Variants in PLCH1 observed in about 807,000 individuals in gnomAD.
PLCH1 encodes the protein phospholipase C eta 1, also known as 1-phosphatidylinositol 4,5-bisphosphate phosphodiesterase eta-1.
A neutral mutation model predicts 126.7 loss-of-function variants in PLCH1; 60 were observed. That is an observed-to-expected ratio of 0.47 (90% CI 0.38 to 0.59). The LOEUF is 0.59. Ranked by LOEUF, PLCH1 falls within the 20% of genes least tolerant of loss-of-function variation. The probability of loss-of-function intolerance (pLI) is 0.00; values close to 1 mark genes in which losing one functional copy is unlikely to be tolerated. For missense variants in PLCH1, 1,723 were observed against 2,040.0 expected, an observed-to-expected ratio of 0.84 and a Z score of 2.99; for synonymous variants, 719 against 734.9, an observed-to-expected ratio of 0.98 and a Z score of 0.35.
chr3:155,610,786 C>CA (rs58036188), intron 2 of PLCH1, among the ~76,000 whole-genome samples: 73,234 of 150,774 alleles, frequency 0.49, 20,121 homozygotes, highest in African/African-American at 0.74. Flanking sequence ...ACAGGGCCTA[C>CA]AAAAAAAACA....
intron 10 of PLCH1, among the ~76,000 whole-genome samples, chr3:155,537,218 A>C (rs1576943178): frequency 2.4e-3 from 24 of 9,976 alleles, no homozygotes; most frequent in South Asian, 7.9e-3. Context: ...AAAAAAAAAA[A>C]AAAAAAAAAA....
At chr3:155,603,591 C>T (rs757902058) in intron 2 of PLCH1, among the ~76,000 whole-genome samples, 9 of 152,118 alleles carry the variant, frequency 5.9e-5, no homozygotes, top group Non-Finnish European at 7.3e-5. Context: ...AACTGAATAT[C>T]CTACTTTCCT....
intron 2 of PLCH1, among the ~76,000 whole-genome samples, chr3:155,619,069 G>T (rs1736139333): frequency 6.8e-6 from 1 of 148,106 alleles, no homozygotes; most frequent in East Asian, 2.0e-4. Context: ...TCCAATGAAG[G>T]CTTGTCTGGG....
At chr3:155,643,550 T>C (rs192607694) in intron 2 of PLCH1, among the ~76,000 whole-genome samples, 2 of 152,228 alleles carry the variant, frequency 1.3e-5, no homozygotes, top group African/African-American at 4.8e-5. Flanking sequence ...TAAAATTGTC[T>C]GTGTGTCTGC....
intron 2 of PLCH1, among the ~76,000 whole-genome samples, chr3:155,605,971 A>G (rs183177561): frequency 1.7e-4 from 26 of 151,428 alleles, no homozygotes; most frequent in Admixed American, 1.4e-3. Flanking sequence ...GTGGGAGGGA[A>G]AAAAAAAAGA....
At chr3:155,561,244 C>T (rs1727557308) in intron 8 of PLCH1, among the ~76,000 whole-genome samples, 1 of 151,176 alleles carries the variant, frequency 6.6e-6, no homozygotes, top group Non-Finnish European at 1.5e-5. Flanking sequence ...AACTCATCAT[C>T]TAGCATTAGG....
chr3:155,636,950 A>G (rs1222967114), intron 2 of PLCH1, among the ~76,000 whole-genome samples: 1 of 152,096 alleles, frequency 6.6e-6, no homozygotes, highest in African/African-American at 2.4e-5. Context: ...TATATTTTTT[A>G]TGTCTCGGTT....
At chr3:155,501,880 TACAA>T (rs1371389290) in intron 13 of PLCH1, among the ~76,000 whole-genome samples, 1 of 152,152 alleles carries the variant, frequency 6.6e-6, no homozygotes, top group Non-Finnish European at 1.5e-5. Context: ...ATGCAGTGTC[TACAA>T]ACAAAGGTAA....
chr3:155,613,016 G>A (rs1281706842), intron 2 of PLCH1, among the ~76,000 whole-genome samples: 5 of 151,416 alleles, frequency 3.3e-5, no homozygotes, highest in Non-Finnish European at 7.4e-5. Flanking sequence ...AGGTTCCCAT[G>A]AACAACTTAA....
intron 2 of PLCH1, among the ~76,000 whole-genome samples, chr3:155,670,761 T>A (rs770145928): frequency 6.6e-6 from 1 of 152,164 alleles, no homozygotes; most frequent in Non-Finnish European, 1.5e-5. Flanking sequence ...ACTTACCATG[T>A]TCTCACCTTG....
At chr3:155,602,042 G>A (rs192500356) in intron 2 of PLCH1, among the ~76,000 whole-genome samples, 21 of 151,396 alleles carry the variant, frequency 1.4e-4, no homozygotes, top group Admixed American at 4.6e-4. Context: ...CTCCAGCCCC[G>A]CCACATCATG....
intron 21 of PLCH1, among the ~76,000 whole-genome samples, chr3:155,465,665 C>T (rs949043060): frequency 1.3e-5 from 2 of 151,956 alleles, no homozygotes; most frequent in Non-Finnish European, 1.5e-5. Context: ...AGATACAGCA[C>T]CAAGCAGGTT....
intron 21 of PLCH1, among the ~76,000 whole-genome samples, chr3:155,451,320 C>T (rs1712303183): frequency 6.6e-6 from 1 of 151,958 alleles, no homozygotes; most frequent in Non-Finnish European, 1.5e-5. Flanking sequence ...GAGAAATTTA[C>T]CAAATACAAA....
chr3:155,556,539 T>C (rs1726845393), intron 8 of PLCH1, among the ~76,000 whole-genome samples: 1 of 152,258 alleles, frequency 6.6e-6, no homozygotes, highest in Non-Finnish European at 1.5e-5. Context: ...GGTTAATTTT[T>C]CATGTCAATG....
chr3:155,457,607 G>T (rs990660558), intron 21 of PLCH1: 1 of 151,962 alleles, frequency 6.6e-6, no homozygotes, highest in African/African-American at 2.4e-5. Context: ...TGCCTTTGTC[G>T]CTGCACTTAG....
intron 21 of PLCH1, among the ~76,000 whole-genome samples, chr3:155,486,777 G>A (rs1715269345): frequency 6.6e-6 from 1 of 151,992 alleles, no homozygotes; most frequent in Non-Finnish European, 1.5e-5. Flanking sequence ...ACCCGCCTCG[G>A]CCTCCCAAAG....
In PLCH1 at chr3:155,645,770, G is replaced by A. The variant is rs1307441875; in HGVS notation, c.80-49392C>T. 2.0e-5 allele frequency among the ~76,000 whole-genome samples: 3 copies of A among 152,134 alleles called. No individual in the cohort carries two copies. The East Asian group carries it at 5.8e-4, about 29-fold the overall frequency. On this transcript the variant is annotated intron_variant, in intron 2 of 22. Coordinates refer to ENST00000460012, the MANE Select transcript of PLCH1 (RefSeq NM_014996.4). ...TTAAACTCACAGTTCCCTAGAAACA[G>A]GAGGGATGGCAAGACAATATGGAGA...
intron 21 of PLCH1, among the ~76,000 whole-genome samples, chr3:155,467,732 T>C (rs1712985566): frequency 6.6e-6 from 1 of 152,126 alleles, no homozygotes; most frequent in Non-Finnish European, 1.5e-5. Flanking sequence ...ACTCTTACCC[T>C]AAAATAGTAT....
intron 2 of PLCH1, among the ~76,000 whole-genome samples, chr3:155,695,174 C>T (rs986940972): frequency 6.6e-6 from 1 of 152,020 alleles, no homozygotes; most frequent in African/African-American, 2.4e-5. Flanking sequence ...GTATGTATAA[C>T]CAACATGGAA....
Sources: gnomAD v4.1 joint callset for allele counts (sites outside exome capture counted in the v4.1 genomes callset) on GRCh38, gnomAD v4.1.1 for gene constraint, MANE v1.5 for transcripts, NCBI Gene and HGNC (gene_info 2026-07-23, HGNC 2026-07-21) for gene names.